The following AUTS2 variants were observed in gnomAD, a reference collection of about 807,000 sequenced individuals.
AUTS2 encodes activator of transcription and developmental regulator AUTS2.
AUTS2 carries 17 observed loss-of-function variants against 112.4 expected under a neutral mutation model. The observed-to-expected ratio is 0.15, with a 90% CI of 0.10 to 0.23. The LOEUF is 0.23. Among genes scored for constraint, AUTS2 ranks in the 10% least tolerant of loss-of-function variants. AUTS2 has a pLI of 1.00. For missense variants in AUTS2, 1,510 were observed against 1,701.6 expected (o/e 0.89, Z 1.98); for synonymous variants, 751 against 702.7 (o/e 1.07, Z -1.09).
intron 5 of AUTS2, among the ~76,000 whole-genome samples, chr7:70,464,319 T>C (rs993384619): frequency 6.6e-6 from 1 of 152,218 alleles, no homozygotes; most frequent in Non-Finnish European, 1.5e-5. Context: ...GAGGAGGCAG[T>C]TATGAATGCA....
intron 4 of AUTS2, among the ~76,000 whole-genome samples, chr7:70,300,107 A>G (rs866174610): frequency 6.6e-6 from 1 of 152,172 alleles, no homozygotes; most frequent in South Asian, 2.1e-4. Context: ...GAGGTAGGTA[A>G]AACATAAGAG....
Position 70,781,439 on chromosome 7 carries a change from G to A in AUTS2, c.2005-176G>A, listed in dbSNP as rs140822677. ...CATTTCTGGTGTAACAGGCACTACCGGCCTGCAGATCTGACATTTGAGGGT... is the reference window on the plus strand; with the variant it reads ...CATTTCTGGTGTAACAGGCACTACCAGCCTGCAGATCTGACATTTGAGGGT... On this transcript the variant is annotated intron_variant, in intron 14 of 18. Coordinates refer to ENST00000342771, the MANE Select transcript of AUTS2 (RefSeq NM_015570.4). 112 of 627,758 alleles carry A rather than the reference G, an allele frequency of 1.8e-4. 1 individual carries two copies. Among genetic ancestry groups the A allele is most frequent in the African/African-American group, 1.2e-3 (63 of 52,394 alleles). The allele number at this position is 627,758 out of a possible 1,614,324, so 38.9% of individuals were successfully genotyped here. A position where few individuals can be genotyped will look rare whatever the true frequency, so the allele number is the denominator to read the frequency against.
chr7:70,373,982 G>A (rs1792967664), intron 4 of AUTS2, among the ~76,000 whole-genome samples: 1 of 152,044 alleles, frequency 6.6e-6, no homozygotes, highest in South Asian at 2.1e-4. Flanking sequence ...TAGTGTGTAT[G>A]TGTGAATTAA....
intron 5 of AUTS2, among the ~76,000 whole-genome samples, chr7:70,582,531 G>C (rs1008979580): frequency 6.6e-6 from 1 of 152,204 alleles, no homozygotes; most frequent in South Asian, 2.1e-4. Context: ...GAAAAGGAAA[G>C]GAAAAATACC....
chr7:69,663,154 C>A (rs960382716), intron 1 of AUTS2: 3 of 152,100 alleles, frequency 2.0e-5, no homozygotes, highest in Admixed American at 1.3e-4. Flanking sequence ...TATTAATATT[C>A]CTATGCCTAA....
intron 4 of AUTS2, among the ~76,000 whole-genome samples, chr7:70,213,614 C>T (rs917727512): frequency 6.6e-6 from 1 of 151,632 alleles, no homozygotes; most frequent in Non-Finnish European, 1.5e-5. Context: ...ATCATCTTGT[C>T]TTCTTTAGGA....
intron 2 of AUTS2, among the ~76,000 whole-genome samples, chr7:70,016,043 T>A (rs977954479): frequency 5.3e-5 from 8 of 152,298 alleles, no homozygotes; most frequent in Admixed American, 3.9e-4. Context: ...TGCTTCATAT[T>A]GGAAGAAAGG....
At chr7:69,659,087 G>T (rs1445011961) in intron 1 of AUTS2, among the ~76,000 whole-genome samples, 3 of 152,172 alleles carry the variant, frequency 2.0e-5, no homozygotes, top group African/African-American at 7.2e-5. Flanking sequence ...CTTTTGTTTT[G>T]AGACAGTGTC....
intron 4 of AUTS2, among the ~76,000 whole-genome samples, chr7:70,313,357 A>G (rs1399882130): frequency 1.3e-5 from 2 of 152,192 alleles, no homozygotes; most frequent in Non-Finnish European, 2.9e-5. Context: ...AGACATGACT[A>G]TTATTTAGCT....
chr7:70,534,770 A>C (rs1365707277), intron 5 of AUTS2, among the ~76,000 whole-genome samples: 1 of 152,050 alleles, frequency 6.6e-6, no homozygotes. Flanking sequence ...ATATCTTTAC[A>C]TTTTGTTACC....
chr7:70,372,673 A>T (rs573743495), intron 4 of AUTS2, among the ~76,000 whole-genome samples: 7,344 of 129,612 alleles, frequency 0.057, 419 homozygotes, highest in African/African-American at 0.16. Context: ...TTTTTTTTTT[A>T]AAATACAAGT....
intron 1 of AUTS2, among the ~76,000 whole-genome samples, chr7:69,742,406 G>T (rs1157375603): frequency 1.3e-5 from 2 of 152,018 alleles, no homozygotes; most frequent in Non-Finnish European, 2.9e-5. Flanking sequence ...AGATTACCTG[G>T]GTTCATATCT....
chr7:69,747,784 G>GGTGGGTGTGTGT (rs1554360595), intron 1 of AUTS2, among the ~76,000 whole-genome samples: 3 of 144,502 alleles, frequency 2.1e-5, no homozygotes, highest in African/African-American at 7.8e-5. Context: ...GAAGGAGAGG[G>GGTGGGTGTGTGT]GTGTGTGTGT....
In AUTS2 at chr7:69,778,010, T is replaced by C. The variant is rs116901577; in HGVS notation, c.310-121276T>C. Among the ~76,000 whole-genome samples, 23 of 152,316 alleles carry C rather than the reference T, an allele frequency of 1.5e-4. No homozygotes were observed. The East Asian group carries it at 3.9e-3, about 26-fold the overall frequency. ...GCAGTTACTTCTGTCAGGCACAGTATTGGCTAGAGAGATAGGTAGAAATAA... is the reference window on the plus strand; with the variant it reads ...GCAGTTACTTCTGTCAGGCACAGTACTGGCTAGAGAGATAGGTAGAAATAA... On this transcript the variant is annotated intron_variant, in intron 1 of 18. Transcript: ENST00000342771.
Position 70,505,284 on chromosome 7 carries a change from C to A in AUTS2, c.690+69503C>A, listed in dbSNP as rs190919206. Among the ~76,000 whole-genome samples, 6 of 152,250 alleles carry A rather than the reference C, an allele frequency of 3.9e-5. No individual in the cohort carries two copies. The East Asian group carries it at 5.8e-4, about 15-fold the overall frequency. ...GGTAGAGAAGGAGGAGCAGAAGCAC[C>A]ATGAAATCAGGTGGGTGATGGTTTC... On this transcript the variant is annotated intron_variant, in intron 5 of 18. Transcript: ENST00000342771.
intron 4 of AUTS2, among the ~76,000 whole-genome samples, chr7:70,362,347 C>T (rs1022551234): frequency 1.3e-5 from 2 of 152,004 alleles, no homozygotes; most frequent in African/African-American, 2.4e-5. Flanking sequence ...TCACTTCACT[C>T]CCTTTCCAGA....
At chr7:70,648,016 G>A (rs185106933) in intron 5 of AUTS2, among the ~76,000 whole-genome samples, 71 of 152,226 alleles carry the variant, frequency 4.7e-4, no homozygotes, top group Non-Finnish European at 8.8e-4. Flanking sequence ...GAGTGATGAC[G>A]GCATGTACAC....
chr7:70,101,385 GA>G (rs71077615), intron 2 of AUTS2, among the ~76,000 whole-genome samples: 14,525 of 149,010 alleles, frequency 0.097, 746 homozygotes, highest in Admixed American at 0.12. Context: ...AAAAAAAAAA[GA>G]AAAAAAGGGG....
chr7:70,101,129 C>T (rs1340011020), intron 2 of AUTS2, among the ~76,000 whole-genome samples: 4 of 152,116 alleles, frequency 2.6e-5, no homozygotes, highest in African/African-American at 4.8e-5. Flanking sequence ...CTGCCAGCCT[C>T]GGCCTCCCAA....
Sources: allele counts gnomAD v4.1 joint callset (sites outside exome capture counted in the v4.1 genomes callset), GRCh38; gene constraint gnomAD v4.1.1; transcripts MANE v1.5; gene names NCBI Gene and HGNC (gene_info 2026-07-23, HGNC 2026-07-21).